Variants in SRRD observed in about 807,000 individuals in gnomAD.
SRRD encodes the protein SRR1-like protein.
A neutral mutation model predicts 30.7 loss-of-function variants in SRRD; 28 were observed. That is an observed-to-expected ratio of 0.91 (90% CI 0.68 to 1.25). The LOEUF (loss-of-function observed/expected upper bound fraction) is 1.25, where lower values mean the gene tolerates loss of function less well. Among genes scored for constraint, SRRD ranks in the 50% most tolerant of loss-of-function variants. SRRD has a pLI of 0.00. For missense variants in SRRD, 415 were observed against 417.3 expected, an observed-to-expected ratio of 0.99 and a Z score of 0.05; for synonymous variants, 161 against 159.6, an observed-to-expected ratio of 1.01 and a Z score of -0.07.
At chr22:26,490,558 G>GTTTTTTTTTT (rs1491237870) in intron 5 of SRRD, among the ~76,000 whole-genome samples, 3 of 25,704 alleles carry the variant, frequency 1.2e-4, no homozygotes, top group Admixed American at 4.8e-4. Context: ...TGGAATATTT[G>GTTTTTTTTTT]CTTTTTTTTT....
At chr22:26,489,899 C>A (rs992167762) in intron 4 of SRRD, 145 bp from the exon 5 acceptor site, 2 of 774,712 alleles carry the variant, frequency 2.6e-6, no homozygotes, top group African/African-American at 1.7e-5. Context: ...ATTTCATATA[C>A]GAGTGTAACT....
At chr22:26,484,239 T>C in intron 1 of SRRD, 140 bp downstream of exon 1, 1 of 948,570 alleles carries the variant, frequency 1.1e-6, no homozygotes, top group Admixed American at 2.4e-5. Flanking sequence ...AACGAGCTCA[T>C]TAAAGATGTG....
At chr22:26,489,592 T>C (rs1043909247) in intron 4 of SRRD, among the ~76,000 whole-genome samples, 5 of 152,036 alleles carry the variant, frequency 3.3e-5, no homozygotes, top group Non-Finnish European at 7.4e-5. Context: ...TGCTGGAGTT[T>C]GGCCAGAGAG....
intron 2 of SRRD, 87 bp downstream of exon 2, chr22:26,486,150 T>C: frequency 6.4e-7 from 1 of 1,561,550 alleles, no homozygotes; most frequent in Non-Finnish European, 8.8e-7. Context: ...CACAGAGGGA[T>C]AACTTGCTGG....
Position 26,483,999 on chromosome 22 carries a change from AGAGAGGCGGCGCCCCGGGGG to A in SRRD, c.110_129del (p.Arg37LysfsTer15). On this transcript the variant is annotated frameshift_variant, in exon 1 of 7. Coordinates refer to ENST00000215917, the MANE Select transcript of SRRD (RefSeq NM_001013694.3). LOFTEE classifies it high-confidence loss of function. ...GCGGAGGGAGGCGGCGCCCCGGGGG[AGAGAGGCGGCGCCCCGGGGG>A]AGAGAGGCGGCGCCCCGGGGCCCCG... is the stretch of plus-strand genomic sequence containing the variant. 30 of 54,726 alleles carry A rather than the reference AGAGAGGCGGCGCCCCGGGGG, an allele frequency of 5.5e-4. No homozygotes were observed. Among genetic ancestry groups the A allele is most frequent in the Non-Finnish European group, 7.7e-4 (29 of 37,480 alleles). The allele number at this position is 54,726 out of a possible 1,614,324, so 3.4% of individuals were successfully genotyped here. A position where few individuals can be genotyped will look rare whatever the true frequency, so the allele number is the denominator to read the frequency against.
chr22:26,490,559 C>CTAT (rs1921025121), intron 5 of SRRD, among the ~76,000 whole-genome samples: 1 of 51,834 alleles, frequency 1.9e-5, no homozygotes, highest in Non-Finnish European at 3.4e-5. Context: ...GGAATATTTG[C>CTAT]TTTTTTTTTT....
In SRRD at chr22:26,494,048, C is replaced by G. The variant is rs1278494571; in HGVS notation, c.*2376C>G. ...TGTGACCTAAGGTTTAGGCTGCCTACAGGAACCAGAAAACTCTGATTCTGT... is the reference window on the plus strand; with the variant it reads ...TGTGACCTAAGGTTTAGGCTGCCTAGAGGAACCAGAAAACTCTGATTCTGT... On this transcript the variant is annotated 3_prime_UTR_variant, in exon 7 of 7. Coordinates refer to ENST00000215917, the MANE Select transcript of SRRD (RefSeq NM_001013694.3). 37 of 1,478,272 alleles carry G rather than the reference C, an allele frequency of 2.5e-5. No homozygotes were observed. The highest frequency in any genetic ancestry group is 3.2e-5 in the Non-Finnish European group (35 of 1,081,690). The allele number at this position is 1,478,272 out of a possible 1,614,324, so 91.6% of individuals were successfully genotyped here. A position where few individuals can be genotyped will look rare whatever the true frequency, so the allele number is the denominator to read the frequency against.
chr22:26,493,910 C>A lies in SRRD; in HGVS notation c.*2238C>A. The A allele has an allele frequency of 2.0e-6, 1 of 512,204 alleles. No individual in the cohort carries two copies. Among genetic ancestry groups the A allele is most frequent in the Non-Finnish European group, 3.5e-6 (1 of 283,750 alleles). The allele number at this position is 512,204 out of a possible 1,614,324, so 31.7% of individuals were successfully genotyped here. The stretch of plus-strand genomic sequence containing the variant: ...GACATCATCTGAATCCAGCTTAAGT[C>A]AGTCTCCACTCAGGGAAGATGCCCC... On this transcript the variant is annotated 3_prime_UTR_variant, in exon 7 of 7. Coordinates refer to ENST00000215917, the MANE Select transcript of SRRD (RefSeq NM_001013694.3).
intron 1 of SRRD, among the ~76,000 whole-genome samples, chr22:26,485,342 G>A (rs1367016761): frequency 1.3e-5 from 2 of 152,192 alleles, no homozygotes; most frequent in African/African-American, 4.8e-5. Context: ...TGTGAGAAAC[G>A]TGCAGCAGCC....
At chr22:26,490,911 C>G (rs1921082184) in intron 5 of SRRD, 114 bp from the exon 6 acceptor site, 2 of 962,580 alleles carry the variant, frequency 2.1e-6, no homozygotes, top group Non-Finnish European at 3.1e-6. Context: ...TGAATTCTTA[C>G]TATGCTTCAA....
chr22:26,490,022 C>A (rs772430575), intron 4 of SRRD, 22 bp from the exon 5 acceptor site: 2 of 1,613,618 alleles, frequency 1.2e-6, no homozygotes, highest in South Asian at 2.2e-5. Flanking sequence ...CATGTTTACA[C>A]CTGTGAATAT....
chr22:26,489,009 G>A (rs1310409400), intron 4 of SRRD, among the ~76,000 whole-genome samples: 1 of 152,234 alleles, frequency 6.6e-6, no homozygotes, highest in East Asian at 1.9e-4. Flanking sequence ...ATAAAGAAAT[G>A]CATCCCTAAA....
chr22:26,487,736 T>G (rs995802406), intron 2 of SRRD, among the ~76,000 whole-genome samples: 8 of 152,234 alleles, frequency 5.3e-5, no homozygotes, highest in Non-Finnish European at 8.8e-5. Flanking sequence ...TGAGTTCACA[T>G]TAGAGTTTTA....
chr22:26,492,669 GC>G lies in SRRD; in HGVS notation c.*999del. 2.8e-6 allele frequency: 1 copy of G among 355,098 alleles called. No homozygotes were observed. Among genetic ancestry groups the G allele is most frequent in the Non-Finnish European group, 5.3e-6 (1 of 188,324 alleles). 22.0% of individuals were successfully genotyped at this position (355,098 alleles called of 1,614,324 possible). A position where few individuals can be genotyped will look rare whatever the true frequency, so the allele number is the denominator to read the frequency against. On this transcript the variant is annotated 3_prime_UTR_variant, in exon 7 of 7. Transcript: ENST00000215917. ...TGGAAACATTAACAGAGAGTCCTCAGCCACTCTTCTGTTCCCACCTTGCTCT... is the reference window on the plus strand; with the variant it reads ...TGGAAACATTAACAGAGAGTCCTCAGCACTCTTCTGTTCCCACCTTGCTCT...
At chr22:26,485,710 G>T in intron 1 of SRRD, among the ~76,000 whole-genome samples, 1 of 152,146 alleles carries the variant, frequency 6.6e-6, no homozygotes, top group African/African-American at 2.4e-5. Context: ...CTAATTCTGA[G>T]CACTTAACAA....
chr22:26,494,327 G>C lies in SRRD; in HGVS notation c.*2655G>C, dbSNP rs1453914272. On this transcript the variant is annotated 3_prime_UTR_variant, in exon 7 of 7. Transcript: ENST00000215917. Reference sequence around the variant, plus strand: ...CACCTGCCAAAAAGAAAAATTACTTGCATCCATCGTGGCAACAAATGAAGG... The same window carrying C: ...CACCTGCCAAAAAGAAAAATTACTTCCATCCATCGTGGCAACAAATGAAGG... The C allele has an allele frequency of 6.2e-7, 1 of 1,614,124 alleles. No individual in the cohort carries two copies. The highest frequency in any genetic ancestry group is 2.2e-5 in the East Asian group (1 of 44,888).
Position 26,488,236 on chromosome 22 carries a change from T to C in SRRD, c.458T>C (p.Ile153Thr). ...GGCATTGGGAACTTTGCCACCTGCA[T>C]CGTAGCTAGAAACCAGCTAACGTTT... The part of the protein sequence containing the change: ...CYGIGNFATC[I>T]VARNQLTFLL... Residue 153 changes from isoleucine (I) to threonine (T), a missense_variant, in exon 3 of 7, where the codon ATC (isoleucine) becomes ACC (threonine). Ile to Thr is a moderately conservative substitution (Grantham distance 89, BLOSUM62 -1). Coordinates refer to ENST00000215917, the MANE Select transcript of SRRD (RefSeq NM_001013694.3). 6.2e-7 allele frequency: 1 copy of C among 1,614,218 alleles called. No homozygotes were observed. Among genetic ancestry groups the C allele is most frequent in the Non-Finnish European group, 8.5e-7 (1 of 1,180,030 alleles).
chr22:26,488,531 G>C (rs1042246021), intron 4 of SRRD, 43 bp downstream of exon 4: 42 of 1,477,982 alleles, frequency 2.8e-5, no homozygotes, highest in Non-Finnish European at 3.8e-5. Context: ...TAAAAATCCT[G>C]ACCAGACTCA....
At chr22:26,489,923 A>G in intron 4 of SRRD, 121 bp from the exon 5 acceptor site, 1 of 1,087,164 alleles carries the variant, frequency 9.2e-7, no homozygotes, top group Non-Finnish European at 1.3e-6. Context: ...CCACAAAATG[A>G]GCTTTTTTCC....
Sources: allele counts gnomAD v4.1 joint callset (sites outside exome capture counted in the v4.1 genomes callset), GRCh38; gene constraint gnomAD v4.1.1; transcripts MANE v1.5; gene names NCBI Gene and HGNC (gene_info 2026-07-23, HGNC 2026-07-21).